The following HPCAL1 variants were observed in gnomAD, a reference collection of about 807,000 sequenced individuals.
HPCAL1 encodes hippocalcin-like protein 1.
In HPCAL1, 8 loss-of-function variants were observed where a neutral mutation model predicts 17.1. The observed-to-expected ratio is 0.47, with a 90% CI of 0.27 to 0.84. The LOEUF is 0.84. HPCAL1 is among the 40% of genes least tolerant of loss of function. HPCAL1 has a pLI of 0.13. For synonymous variants in HPCAL1, 112 were observed against 111.4 expected, an observed-to-expected ratio of 1.01 and a Z score of -0.03; for missense variants, 165 against 271.1, an observed-to-expected ratio of 0.61 and a Z score of 2.75.
At chr2:10,399,537 G>A (rs76651443) in intron 2 of HPCAL1, among the ~76,000 whole-genome samples, 366 of 34,740 alleles carry the variant, frequency 0.011, 5 homozygotes, top group South Asian at 0.017. Flanking sequence ...CACTGCCACC[G>A]CCACCATCAC....
chr2:10,342,200 T>A lies in HPCAL1; in HGVS notation c.-111+39023T>A, dbSNP rs1481954819. Among the ~76,000 whole-genome samples the A allele has an allele frequency of 6.6e-6, 1 of 152,066 alleles. No individual in the cohort carries two copies. Among genetic ancestry groups the A allele is most frequent in the Admixed American group, 6.6e-5 (1 of 15,260 alleles). On this transcript the variant is annotated intron_variant, in intron 1 of 4. Coordinates refer to ENST00000307845, the MANE Select transcript of HPCAL1 (RefSeq NM_002149.4). The surrounding 1 kb of genome is among the most constrained non-coding windows in gnomAD (Gnocchi z 4.1). ...AATAATAATAATAATAAAGCTTTGC[T>A]CCCCGTTTCATTTAGATGGAGCGTT...
At position 10,399,549 on chromosome 2, in the gene HPCAL1, G is replaced by GCCA. The variant is rs1212772022; in HGVS notation, c.-25+2634_-25+2636dup. ...CGCCACTGCCACCGCCACCATCACC[G>GCCA]CCACCACTACCGCCACCGCCACCAC... On this transcript the variant is annotated intron_variant, in intron 2 of 4. Coordinates refer to ENST00000307845, the MANE Select transcript of HPCAL1 (RefSeq NM_002149.4). 7.6e-3 allele frequency among the ~76,000 whole-genome samples: 310 copies of GCCA among 41,058 alleles called. 2 individuals carry two copies. Among genetic ancestry groups the GCCA allele is most frequent in the Non-Finnish European group, 1.0e-2 (204 of 20,454 alleles). The allele number at this position is 41,058 out of a possible 152,430, so 26.9% of individuals were successfully genotyped here.
chr2:10,323,658 C>T lies in HPCAL1; in HGVS notation c.-111+20481C>T, dbSNP rs1210549178. Among the ~76,000 whole-genome samples, 1 of 152,228 alleles carries T rather than the reference C, an allele frequency of 6.6e-6. No homozygotes were observed. Among genetic ancestry groups the T allele is most frequent in the Non-Finnish European group, 1.5e-5 (1 of 68,048 alleles). ...CTCACTCTAATGAAAATAATAAAAG[C>T]TCAAATGACCAGCACTGTCCTACTG... On this transcript the variant is annotated intron_variant, in intron 1 of 4. Transcript: ENST00000307845. The surrounding 1 kb of genome is among the most constrained non-coding windows in gnomAD (Gnocchi z 4.6).
Position 10,359,616 on chromosome 2 carries a change from A to G in HPCAL1, c.-110-37219A>G, listed in dbSNP as rs1572714317. ...TCATTGAGGGCCTGGAACTCTTTAGAGCCCATCAGGACCAAGCTCTGGTGG... is the reference window on the plus strand; with the variant it reads ...TCATTGAGGGCCTGGAACTCTTTAGGGCCCATCAGGACCAAGCTCTGGTGG... On this transcript the variant is annotated intron_variant, in intron 1 of 4. Coordinates refer to ENST00000307845, the MANE Select transcript of HPCAL1 (RefSeq NM_002149.4). The surrounding 1 kb of genome is among the most constrained non-coding windows in gnomAD (Gnocchi z 4.1). Among the ~76,000 whole-genome samples, 2 of 152,286 alleles carry G rather than the reference A, an allele frequency of 1.3e-5. No homozygotes were observed. The highest frequency in any genetic ancestry group is 4.1e-4 in the South Asian group (2 of 4,828).
Position 10,362,122 on chromosome 2 carries a change from TA to T in HPCAL1, c.-110-34712del, listed in dbSNP as rs1266239067. Among the ~76,000 whole-genome samples the T allele has an allele frequency of 6.6e-6, 1 of 152,230 alleles. No individual in the cohort carries two copies. Among genetic ancestry groups the T allele is most frequent in the African/African-American group, 2.4e-5 (1 of 41,450 alleles). On this transcript the variant is annotated intron_variant, in intron 1 of 4. Coordinates refer to ENST00000307845, the MANE Select transcript of HPCAL1 (RefSeq NM_002149.4). The surrounding 1 kb of genome is among the most constrained non-coding windows in gnomAD (Gnocchi z 5.0). ...AGTCATGTGCCCAAGATCACTTAGC[TA>T]GTAAGTGATGGGCAGGGCTGTGGAG... is the stretch of plus-strand genomic sequence containing the variant.
At chr2:10,397,140 C>T (rs1669104215) in intron 2 of HPCAL1, among the ~76,000 whole-genome samples, 1 of 152,174 alleles carries the variant, frequency 6.6e-6, no homozygotes, top group Non-Finnish European at 1.5e-5. Context: ...CCCCCCAGGC[C>T]CCACAGCCAT....
At chr2:10,399,847 C>T (rs1482447818) in intron 2 of HPCAL1, among the ~76,000 whole-genome samples, 2 of 152,174 alleles carry the variant, frequency 1.3e-5, no homozygotes, top group Non-Finnish European at 2.9e-5. Context: ...CTCATGCGTT[C>T]CTTCCCTTGA....
In HPCAL1 at chr2:10,419,706, C is replaced by T. The variant is rs1670912570; in HGVS notation, c.-24-28C>T. ...AGCCCTGCTCCGTGGCCGTGGGTGGCGTCCCCGGCTGACCCCCTGTCTTGC... is the reference window on the plus strand; with the variant it reads ...AGCCCTGCTCCGTGGCCGTGGGTGGTGTCCCCGGCTGACCCCCTGTCTTGC... On this transcript the variant is annotated intron_variant, in intron 2 of 4. Coordinates refer to ENST00000307845, the MANE Select transcript of HPCAL1 (RefSeq NM_002149.4). This position sits in a 1 kb window ranked among gnomAD's most constrained non-coding sequence, Gnocchi z 5.0. 7 of 1,564,274 alleles carry T rather than the reference C, an allele frequency of 4.5e-6. No individual in the cohort carries two copies. The highest frequency in any genetic ancestry group is 1.2e-5 in the South Asian group (1 of 82,352).
rs1298499281 is a variant in HPCAL1, at chr2:10,343,097, A to G, written c.-111+39920A>G. ...CAGCTCCAGGCCCTGTGTGTTTCCAAGTGGGCCCGCAGCTCTGATGTGCAG... is the reference window on the plus strand; with the variant it reads ...CAGCTCCAGGCCCTGTGTGTTTCCAGGTGGGCCCGCAGCTCTGATGTGCAG... On this transcript the variant is annotated intron_variant, in intron 1 of 4. Transcript: ENST00000307845. This position sits in a 1 kb window ranked among gnomAD's most constrained non-coding sequence, Gnocchi z 4.8. Among the ~76,000 whole-genome samples the G allele has an allele frequency of 2.0e-5, 3 of 152,152 alleles. No individual in the cohort carries two copies. Among genetic ancestry groups the G allele is most frequent in the African/African-American group, 7.2e-5 (3 of 41,422 alleles).
chr2:10,305,450 G>C (rs192503035), intron 1 of HPCAL1, among the ~76,000 whole-genome samples: 36 of 152,336 alleles, frequency 2.4e-4, no homozygotes, highest in African/African-American at 7.7e-4. Flanking sequence ...GAAGGCCCGG[G>C]GGCCCTGCCT....
rs1026929800 is a variant in HPCAL1 at position 10,343,212 on chromosome 2, AC to A, written c.-111+40038del. Among the ~76,000 whole-genome samples, 3 of 152,088 alleles carry A rather than the reference AC, an allele frequency of 2.0e-5. No homozygotes were observed. Among genetic ancestry groups the A allele is most frequent in the African/African-American group, 7.2e-5 (3 of 41,416 alleles). On this transcript the variant is annotated intron_variant, in intron 1 of 4. Transcript: ENST00000307845. The surrounding 1 kb of genome is among the most constrained non-coding windows in gnomAD (Gnocchi z 4.8). ...ATAGCCCCATCACCCCTCTCCTGGG[AC>A]CCTGGACCTCTAGCACACCATGGAG...
rs143961808 is a variant in HPCAL1, at chr2:10,333,713, G to A, written c.-111+30536G>A. Reference sequence around the variant, plus strand: ...TAAGACTGGAAAACACAGAAAAACAGAGAAAAAAATTCCCCCATAACTACC... The same window carrying A: ...TAAGACTGGAAAACACAGAAAAACAAAGAAAAAAATTCCCCCATAACTACC... On this transcript the variant is annotated intron_variant, in intron 1 of 4. Coordinates refer to ENST00000307845, the MANE Select transcript of HPCAL1 (RefSeq NM_002149.4). Among the ~76,000 whole-genome samples, 307 of 152,250 alleles carry A rather than the reference G, an allele frequency of 2.0e-3. 1 individual carries two copies. Among genetic ancestry groups the A allele is most frequent in the African/African-American group, 7.1e-3 (293 of 41,540 alleles).
At chr2:10,409,792 T>C (rs1182568984) in intron 2 of HPCAL1, among the ~76,000 whole-genome samples, 5 of 135,016 alleles carry the variant, frequency 3.7e-5, no homozygotes, top group South Asian at 2.5e-4. Context: ...TTTTTTTTTT[T>C]TTTTTTTTTT....
At chr2:10,399,576 ACCGCCACCGCCACCG>A (rs1558519033) in intron 2 of HPCAL1, among the ~76,000 whole-genome samples, 1 of 37,528 alleles carries the variant, frequency 2.7e-5, no homozygotes, top group African/African-American at 1.1e-4. Flanking sequence ...CGCCACCACC[ACCGCCACCGCCACCG>A]CCACCACCAC....
At chr2:10,385,976 A>C (rs1485139088) in intron 1 of HPCAL1, among the ~76,000 whole-genome samples, 5 of 152,252 alleles carry the variant, frequency 3.3e-5, no homozygotes, top group Middle Eastern at 3.4e-3. Flanking sequence ...GCCACTGAGC[A>C]TGTGCTGGCC....
intron 1 of HPCAL1, among the ~76,000 whole-genome samples, chr2:10,337,385 C>T (rs1213622168): frequency 1.3e-5 from 2 of 152,150 alleles, no homozygotes; most frequent in Non-Finnish European, 2.9e-5. Flanking sequence ...ACTGTCACTG[C>T]ATTTGCTGTG....
chr2:10,317,867 C>G (rs12692401), intron 1 of HPCAL1, among the ~76,000 whole-genome samples: 112,701 of 152,202 alleles, frequency 0.74, 42,030 homozygotes, highest in East Asian at 0.99. Context: ...GCCCTGGGCT[C>G]ACCCGTTCCT....
At position 10,304,211 on chromosome 2, in the gene HPCAL1, C is replaced by T. The variant is rs1333137171; in HGVS notation, c.-111+1034C>T. Among the ~76,000 whole-genome samples, 2 of 151,766 alleles carry T rather than the reference C, an allele frequency of 1.3e-5. No homozygotes were observed. Among genetic ancestry groups the T allele is most frequent in the Non-Finnish European group, 2.9e-5 (2 of 67,898 alleles). Reference sequence around the variant, plus strand: ...CCCAGCCCCCAGGCTCCCGCGCAAGCGTGGGGGTCCCTCTCCTGGCCGGGA... The same window carrying T: ...CCCAGCCCCCAGGCTCCCGCGCAAGTGTGGGGGTCCCTCTCCTGGCCGGGA... On this transcript the variant is annotated intron_variant, in intron 1 of 4. Transcript: ENST00000307845. The surrounding 1 kb of genome is among the most constrained non-coding windows in gnomAD (Gnocchi z 4.1).
intron 1 of HPCAL1, among the ~76,000 whole-genome samples, chr2:10,358,881 G>T (rs1478876207): frequency 6.6e-6 from 1 of 152,142 alleles, no homozygotes; most frequent in Non-Finnish European, 1.5e-5. Context: ...TAAGGCAGGG[G>T]TATAATTGAG....
Sources: gnomAD v4.1 joint callset for allele counts (sites outside exome capture counted in the v4.1 genomes callset) on GRCh38, gnomAD v4.1.1 for gene constraint, Gnocchi (gnomAD v3.1) non-coding constraint, MANE v1.5 for transcripts, NCBI Gene and HGNC (gene_info 2026-07-23, HGNC 2026-07-21) for gene names.